WWOX: variants seen among roughly 807,000 people sequenced by gnomAD.
WWOX encodes WW domain containing oxidoreductase, also known as WW domain-containing oxidoreductase.
In WWOX, 69 loss-of-function variants were observed where a neutral mutation model predicts 46.2. The ratio of observed to expected loss-of-function variants is 1.49; its 90% CI spans 1.23 to 1.82. WWOX has a LOEUF of 1.82. WWOX is among the 40% of genes most tolerant of loss of function. The probability of loss-of-function intolerance (pLI) is 0.00; values close to 1 mark genes in which losing one functional copy is unlikely to be tolerated. For synonymous variants in WWOX, 359 were observed against 202.6 expected, an observed-to-expected ratio of 1.77 and a Z score of -6.56; for missense variants, 919 against 542.6, an observed-to-expected ratio of 1.69 and a Z score of -6.89.
At chr16:78,336,685 C>A (rs2031995879) in intron 5 of WWOX, among the ~76,000 whole-genome samples, 1 of 152,012 alleles carries the variant, frequency 6.6e-6, no homozygotes, top group African/African-American at 2.4e-5. Flanking sequence ...AACATAGACC[C>A]AGAGCTGCCA....
At chr16:79,111,440 G>A (rs924379657) in intron 8 of WWOX, among the ~76,000 whole-genome samples, 4 of 152,136 alleles carry the variant, frequency 2.6e-5, no homozygotes, top group African/African-American at 2.4e-5. Context: ...ACTGTTTTCT[G>A]TATTGTTTAG....
intron 8 of WWOX, among the ~76,000 whole-genome samples, chr16:79,037,555 A>G (rs900269930): frequency 6.6e-6 from 1 of 152,150 alleles, no homozygotes; most frequent in Non-Finnish European, 1.5e-5. Flanking sequence ...CAGAGACCAC[A>G]TTTAAATCTG....
intron 5 of WWOX, among the ~76,000 whole-genome samples, chr16:78,290,683 G>A (rs555474636): frequency 2.0e-4 from 30 of 152,144 alleles, no homozygotes; most frequent in African/African-American, 6.3e-4. Context: ...AATGACTGAC[G>A]TGAAGAATGA....
chr16:78,757,444 G>C (rs1333348477), intron 8 of WWOX, among the ~76,000 whole-genome samples: 1 of 152,156 alleles, frequency 6.6e-6, no homozygotes, highest in Non-Finnish European at 1.5e-5. Flanking sequence ...TCATCAGTTA[G>C]TGGTGTGATG....
intron 8 of WWOX, among the ~76,000 whole-genome samples, chr16:78,929,098 A>G (rs529164221): frequency 6.6e-6 from 1 of 152,326 alleles, no homozygotes; most frequent in East Asian, 1.9e-4. Context: ...ATCATGTCAA[A>G]ATAATCAAAA....
intron 8 of WWOX, among the ~76,000 whole-genome samples, chr16:78,532,271 TGGG>T (rs201449322): frequency 0.014 from 2,161 of 152,216 alleles, 22 homozygotes; most frequent in African/African-American, 0.027. Context: ...TTGAAGGAGT[TGGG>T]TGGTGGTGGG....
chr16:79,125,365 A>G (rs542883674), intron 8 of WWOX, among the ~76,000 whole-genome samples: 5 of 152,324 alleles, frequency 3.3e-5, no homozygotes, highest in South Asian at 2.1e-4. Flanking sequence ...TAGCATGGGA[A>G]AGTAAATGGT....
At chr16:79,194,954 C>A (rs1448855143) in intron 8 of WWOX, among the ~76,000 whole-genome samples, 1 of 152,140 alleles carries the variant, frequency 6.6e-6, no homozygotes, top group Non-Finnish European at 1.5e-5. Flanking sequence ...TGAGTAGATG[C>A]TACTGCTAAT....
intron 8 of WWOX, among the ~76,000 whole-genome samples, chr16:79,011,018 T>C (rs1397373947): frequency 6.6e-6 from 1 of 152,088 alleles, no homozygotes; most frequent in Non-Finnish European, 1.5e-5. Flanking sequence ...TACGATGATT[T>C]CTAACATCTC....
chr16:78,814,303 C>T (rs558258303), intron 8 of WWOX, among the ~76,000 whole-genome samples: 43 of 152,196 alleles, frequency 2.8e-4, no homozygotes, highest in African/African-American at 9.9e-4. Flanking sequence ...TTTTATCCTC[C>T]TGGTGAAGTA....
intron 8 of WWOX, among the ~76,000 whole-genome samples, chr16:78,988,880 G>C (rs74032474): frequency 6.6e-6 from 1 of 152,140 alleles, no homozygotes; most frequent in Non-Finnish European, 1.5e-5. Flanking sequence ...GTGGAGAAAC[G>C]AGCTCTGGTG....
At chr16:78,341,972 T>G (rs1402921719) in intron 5 of WWOX, among the ~76,000 whole-genome samples, 3 of 118,042 alleles carry the variant, frequency 2.5e-5, no homozygotes. Context: ...AAAAATTAGC[T>G]GGGCATGGTG....
intron 8 of WWOX, among the ~76,000 whole-genome samples, chr16:78,845,907 T>G (rs1360611234): frequency 6.6e-6 from 1 of 152,160 alleles, no homozygotes; most frequent in Non-Finnish European, 1.5e-5. Context: ...CCATTTAAGG[T>G]AGATGGGTTT....
intron 8 of WWOX, among the ~76,000 whole-genome samples, chr16:79,183,867 A>T (rs978809965): frequency 5.3e-5 from 8 of 152,046 alleles, no homozygotes; most frequent in African/African-American, 1.9e-4. Flanking sequence ...TAACACTGTC[A>T]CTCAGTCCTT....
chr16:78,550,166 C>A (rs1447731995), intron 8 of WWOX, among the ~76,000 whole-genome samples: 1 of 152,160 alleles, frequency 6.6e-6, no homozygotes, highest in Non-Finnish European at 1.5e-5. Flanking sequence ...ATTAATAATT[C>A]CTTACTATTG....
intron 8 of WWOX, among the ~76,000 whole-genome samples, chr16:78,485,645 C>A (rs1263271859): frequency 6.6e-6 from 1 of 152,198 alleles, no homozygotes; most frequent in African/African-American, 2.4e-5. Flanking sequence ...GCACTGCCCG[C>A]CGCGTGAAGG....
At chr16:79,183,458 G>A (rs1250646841) in intron 8 of WWOX, among the ~76,000 whole-genome samples, 1 of 152,162 alleles carries the variant, frequency 6.6e-6, no homozygotes, top group Non-Finnish European at 1.5e-5. Context: ...GGCTCAAAGA[G>A]ATTAAATGTC....
chr16:78,601,782 C>T (rs892585976), intron 8 of WWOX, among the ~76,000 whole-genome samples: 1 of 152,122 alleles, frequency 6.6e-6, no homozygotes, highest in Admixed American at 6.6e-5. Context: ...CAGGCTATTT[C>T]AATGATTTTC....
chr16:78,587,828 T>G (rs1474599456), intron 8 of WWOX, among the ~76,000 whole-genome samples: 1 of 152,190 alleles, frequency 6.6e-6, no homozygotes. Flanking sequence ...GTGCAAAATG[T>G]CCCAGTGAAT....
Sources: allele counts gnomAD v4.1 joint callset (sites outside exome capture counted in the v4.1 genomes callset), GRCh38; gene constraint gnomAD v4.1.1; transcripts MANE v1.5; gene names NCBI Gene and HGNC (gene_info 2026-07-23, HGNC 2026-07-21).